VOPP1: variants seen among roughly 807,000 people sequenced by gnomAD.
VOPP1 encodes the protein WW domain binding protein VOPP1.
In VOPP1, 8 loss-of-function variants were observed where a neutral mutation model predicts 23.5. That is an observed-to-expected ratio of 0.34 (90% CI 0.20 to 0.61). The LOEUF (loss-of-function observed/expected upper bound fraction) is 0.61, where lower values mean the gene tolerates loss of function less well. Ranked by LOEUF, VOPP1 falls within the 20% of genes least tolerant of loss-of-function variation. The probability of loss-of-function intolerance (pLI) is 0.78; values close to 1 mark genes in which losing one functional copy is unlikely to be tolerated. For missense variants in VOPP1, 174 were observed against 238.1 expected, an observed-to-expected ratio of 0.73 and a Z score of 1.77; for synonymous variants, 83 against 97.3, an observed-to-expected ratio of 0.85 and a Z score of 0.86.
intron 2 of VOPP1, 121 bp from the exon 3 acceptor site, chr7:55,497,811 AG>A (rs1794083129): frequency 1.2e-6 from 1 of 800,974 alleles, no homozygotes; most frequent in Non-Finnish European, 2.1e-6. Context: ...AAGAGCAAAA[AG>A]GACAGAACTG....
At chr7:55,484,040 G>C (rs1268286063) in intron 4 of VOPP1, among the ~76,000 whole-genome samples, 2 of 152,292 alleles carry the variant, frequency 1.3e-5, no homozygotes, top group African/African-American at 4.8e-5. Context: ...TTACCGGCGA[G>C]AGCCACCGCA....
chr7:55,449,284 G>A, intron 4 of VOPP1, among the ~76,000 whole-genome samples: 1 of 152,190 alleles, frequency 6.6e-6, no homozygotes, highest in Non-Finnish European at 1.5e-5. Flanking sequence ...CGCTTCTCCC[G>A]GATGGACCGG....
chr7:55,487,800 A>T (rs1056412106), intron 4 of VOPP1, among the ~76,000 whole-genome samples: 1 of 152,184 alleles, frequency 6.6e-6, no homozygotes, highest in African/African-American at 2.4e-5. Context: ...GAGCTCCCTT[A>T]ACCACCCCCT....
intron 4 of VOPP1, among the ~76,000 whole-genome samples, chr7:55,476,857 T>G (rs975926978): frequency 6.6e-6 from 1 of 152,140 alleles, no homozygotes; most frequent in African/African-American, 2.4e-5. Context: ...CGGTGGGCTC[T>G]CCAGAGGGAC....
intron 1 of VOPP1, among the ~76,000 whole-genome samples, chr7:55,556,777 T>C (rs1412053348): frequency 6.6e-6 from 1 of 152,170 alleles, no homozygotes; most frequent in Admixed American, 6.5e-5. Context: ...AGGGAAACCA[T>C]GTCAGGGTCA....
At chr7:55,552,429 G>A (rs549176831) in intron 1 of VOPP1, among the ~76,000 whole-genome samples, 1 of 152,282 alleles carries the variant, frequency 6.6e-6, no homozygotes, top group African/African-American at 2.4e-5. Context: ...TCAGAAAGCA[G>A]ATGACACATA....
At chr7:55,547,983 C>A (rs886657818) in intron 1 of VOPP1, among the ~76,000 whole-genome samples, 5 of 152,256 alleles carry the variant, frequency 3.3e-5, no homozygotes, top group African/African-American at 1.2e-4. Flanking sequence ...GATTCCCCTC[C>A]AAGGGCTTTC....
chr7:55,509,520 C>A (rs1794939226), intron 2 of VOPP1, among the ~76,000 whole-genome samples: 1 of 152,188 alleles, frequency 6.6e-6, no homozygotes, highest in African/African-American at 2.4e-5. Context: ...GGCCCCACCT[C>A]TTAATACTAA....
intron 4 of VOPP1, among the ~76,000 whole-genome samples, chr7:55,446,948 T>G (rs1381978000): frequency 6.6e-6 from 1 of 152,224 alleles, no homozygotes; most frequent in Non-Finnish European, 1.5e-5. Context: ...TGTTGGCCTT[T>G]CCCTCTTTGT....
intron 2 of VOPP1, 38 bp from the exon 3 acceptor site, chr7:55,497,728 G>C (rs1218237044): frequency 9.4e-6 from 15 of 1,595,482 alleles, no homozygotes; most frequent in Non-Finnish European, 1.1e-5. Flanking sequence ...CACTGAATTG[G>C]AAGCAGCCAC....
At chr7:55,459,146 T>G (rs1791440046) in intron 4 of VOPP1, among the ~76,000 whole-genome samples, 1 of 152,120 alleles carries the variant, frequency 6.6e-6, no homozygotes. Context: ...TCATAAAGTT[T>G]TTTCCTTCAT....
chr7:55,484,990 C>A (rs1793026526), intron 4 of VOPP1, among the ~76,000 whole-genome samples: 1 of 152,242 alleles, frequency 6.6e-6, no homozygotes, highest in South Asian at 2.1e-4. Context: ...CTCAGCACAA[C>A]AAAACCAGCA....
In VOPP1 at chr7:55,474,698, C is replaced by T. The variant is rs371278101; in HGVS notation, c.329-1653G>A. 9.2e-5 allele frequency among the ~76,000 whole-genome samples: 14 copies of T among 152,332 alleles called. No homozygotes were observed. In the East Asian group the frequency reaches 2.3e-3, roughly 25 times the overall value. ...GGCGGGGCAGATGAAAAAGTCCCTG[C>T]TGGACTGGAGAGGGCGGAGGCAGCT... On this transcript the variant is annotated intron_variant, in intron 4 of 4. Transcript: ENST00000285279.
chr7:55,531,496 C>T (rs185375626), intron 1 of VOPP1, among the ~76,000 whole-genome samples: 176 of 151,962 alleles, frequency 1.2e-3, no homozygotes, highest in Non-Finnish European at 1.9e-4. Flanking sequence ...ATTACAGGCA[C>T]GCGCCACCAC....
intron 1 of VOPP1, among the ~76,000 whole-genome samples, chr7:55,567,406 T>C (rs1481700333): frequency 6.6e-6 from 1 of 152,116 alleles, no homozygotes; most frequent in Non-Finnish European, 1.5e-5. Context: ...AATAGGGTGG[T>C]CAAGACAGAC....
At chr7:55,526,102 C>T (rs1044285596) in intron 1 of VOPP1, among the ~76,000 whole-genome samples, 12 of 152,206 alleles carry the variant, frequency 7.9e-5, no homozygotes, top group Admixed American at 2.0e-4. Context: ...AGAGACAATA[C>T]GCAGAGCCAC....
intron 1 of VOPP1, among the ~76,000 whole-genome samples, chr7:55,545,547 A>C (rs1177850719): frequency 6.6e-6 from 1 of 152,242 alleles, no homozygotes; most frequent in African/African-American, 2.4e-5. Flanking sequence ...AATTCACCTT[A>C]GGATAAACAC....
intron 1 of VOPP1, chr7:55,561,914 G>A (rs1352604785): frequency 2.8e-5 from 20 of 702,334 alleles, no homozygotes. Flanking sequence ...AGTATGGTGG[G>A]AGTTGAAACG....
intron 2 of VOPP1, among the ~76,000 whole-genome samples, chr7:55,505,695 G>A (rs1387560853): frequency 1.2e-5 from 1 of 81,372 alleles, no homozygotes; most frequent in Non-Finnish European, 2.5e-5. Flanking sequence ...GGGAGGGAGG[G>A]AGGGAGGGAA....
Sources: gnomAD v4.1 joint callset for allele counts (sites outside exome capture counted in the v4.1 genomes callset) on GRCh38, gnomAD v4.1.1 for gene constraint, MANE v1.5 for transcripts, NCBI Gene and HGNC (gene_info 2026-07-23, HGNC 2026-07-21) for gene names.